IL1R1: variants seen among roughly 807,000 people sequenced by gnomAD.
The protein encoded by IL1R1 is interleukin-1 receptor type 1.
IL1R1 carries 22 observed loss-of-function variants against 50.2 expected under a neutral mutation model. The observed-to-expected ratio is 0.44, with a 90% CI of 0.31 to 0.63. The LOEUF is 0.63. Among genes scored for constraint, IL1R1 ranks in the 20% least tolerant of loss-of-function variants. The pLI is 0.07. For synonymous variants in IL1R1, 251 were observed against 236.7 expected (o/e 1.06, Z -0.55); for missense variants, 509 against 676.2 (o/e 0.75, Z 2.74).
intron 1 of IL1R1, among the ~76,000 whole-genome samples, chr2:102,109,389 A>G (rs1159039883): frequency 6.7e-6 from 1 of 149,286 alleles, no homozygotes; most frequent in Non-Finnish European, 1.5e-5. Flanking sequence ...CTAGGTCCAG[A>G]CAAGCTGAGA....
chr2:102,099,505 T>C (rs9308852), intron 1 of IL1R1, among the ~76,000 whole-genome samples: 129,370 of 152,198 alleles, frequency 0.85, 55,273 homozygotes, highest in East Asian at 0.96. Flanking sequence ...CCTAGCATGG[T>C]CTGGTGGCTA....
At chr2:102,097,392 C>A (rs964693623) in intron 1 of IL1R1, among the ~76,000 whole-genome samples, 1 of 152,112 alleles carries the variant, frequency 6.6e-6, no homozygotes, top group Non-Finnish European at 1.5e-5. Context: ...AAGTGTGGAC[C>A]TCTTTCTGTT....
At chr2:102,095,929 G>GGAGGCGGAGCTTGCAGT (rs1372902637) in intron 1 of IL1R1, among the ~76,000 whole-genome samples, 5 of 152,144 alleles carry the variant, frequency 3.3e-5, no homozygotes, top group African/African-American at 9.7e-5. Context: ...CTTGAACCCG[G>GGAGGCGGAGCTTGCAGT]GAGGCGGAGC....
At chr2:102,173,250 A>G (rs1302838756) in intron 9 of IL1R1, among the ~76,000 whole-genome samples, 2 of 152,234 alleles carry the variant, frequency 1.3e-5, no homozygotes, top group East Asian at 3.9e-4. Flanking sequence ...GATGATGCAT[A>G]GGGTAAGACT....
upstream of IL1R1, among the ~76,000 whole-genome samples, chr2:102,141,598 C>T (rs1338564879): frequency 6.6e-6 from 1 of 152,166 alleles, no homozygotes; most frequent in Non-Finnish European, 1.5e-5. Context: ...TCTTTTCCTC[C>T]AGCCTGGATT....
upstream of IL1R1, among the ~76,000 whole-genome samples, chr2:102,139,217 G>T (rs1348116567): frequency 6.6e-6 from 1 of 152,178 alleles, no homozygotes; most frequent in African/African-American, 2.4e-5. Context: ...TAGGTCCAAG[G>T]GCTCTTTGGT....
chr2:102,110,553 T>C (rs1461231185), intron 1 of IL1R1, among the ~76,000 whole-genome samples: 1 of 150,618 alleles, frequency 6.6e-6, no homozygotes, highest in African/African-American at 2.4e-5. Context: ...TTCGGCAGTC[T>C]CAAAGGAGAA....
At chr2:102,125,748 G>A (rs1161388083) in intron 1 of IL1R1, among the ~76,000 whole-genome samples, 1 of 152,214 alleles carries the variant, frequency 6.6e-6, no homozygotes, top group East Asian at 1.9e-4. Context: ...AGTTGTCTGT[G>A]CTTCTAAAGG....
At chr2:102,142,645 C>T (rs1435881782), upstream of IL1R1, 1 of 151,796 alleles carries the variant, frequency 6.6e-6, no homozygotes, top group African/African-American at 2.4e-5. Context: ...GTTGGGACAC[C>T]CGGCCAGCTC....
chr2:102,119,560 A>G (rs13012334), intron 1 of IL1R1, among the ~76,000 whole-genome samples: 25,354 of 152,174 alleles, frequency 0.17, 2,554 homozygotes, highest in African/African-American at 0.27. Context: ...ACAGGGACAT[A>G]GTTTGAAGAG....
At chr2:102,143,264 G>A (rs1273832051) in intron 1 of IL1R1, among the ~76,000 whole-genome samples, 1 of 152,192 alleles carries the variant, frequency 6.6e-6, no homozygotes, top group African/African-American at 2.4e-5. Flanking sequence ...CTGGAGGGGG[G>A]TTCTAGGTAG....
At chr2:102,121,240 T>G (rs980790430) in intron 1 of IL1R1, among the ~76,000 whole-genome samples, 1 of 152,176 alleles carries the variant, frequency 6.6e-6, no homozygotes, top group African/African-American at 2.4e-5. Context: ...TGCCTGCAGA[T>G]GTCCGCCCCC....
intron 1 of IL1R1, among the ~76,000 whole-genome samples, chr2:102,096,431 T>C (rs1475693201): frequency 1.3e-5 from 2 of 152,230 alleles, no homozygotes; most frequent in East Asian, 1.9e-4. Context: ...AAATGTGAAA[T>C]AGTTTCTCAT....
chr2:102,166,748 A>G (rs1342323344), intron 6 of IL1R1, among the ~76,000 whole-genome samples: 1 of 151,954 alleles, frequency 6.6e-6, no homozygotes, highest in African/African-American at 2.4e-5. Context: ...AACCTCTCTA[A>G]CCCTGTTTCC....
intron 1 of IL1R1, among the ~76,000 whole-genome samples, chr2:102,108,190 T>C (rs1478111600): frequency 1.3e-5 from 2 of 151,872 alleles, no homozygotes; most frequent in Non-Finnish European, 2.9e-5. Context: ...TGTCGTCTTC[T>C]AATTCTAAAC....
At chr2:102,162,125 A>G (rs1269714832) in intron 3 of IL1R1, among the ~76,000 whole-genome samples, 1 of 152,210 alleles carries the variant, frequency 6.6e-6, no homozygotes, top group Non-Finnish European at 1.5e-5. Context: ...AGTTGACAAA[A>G]TCGTGTATAT....
intron 1 of IL1R1, among the ~76,000 whole-genome samples, chr2:102,096,379 C>T (rs191116849): frequency 6.6e-6 from 1 of 152,290 alleles, no homozygotes; most frequent in African/African-American, 2.4e-5. Flanking sequence ...TTGTTGCCAA[C>T]ATCTGGTTTG....
intron 1 of IL1R1, among the ~76,000 whole-genome samples, chr2:102,099,344 G>A (rs1680039172): frequency 6.6e-6 from 1 of 152,182 alleles, no homozygotes; most frequent in African/African-American, 2.4e-5. Context: ...CCATCCAGTG[G>A]CCTTTGTTTG....
At chr2:102,159,267 G>A (rs1684484417) in intron 3 of IL1R1, among the ~76,000 whole-genome samples, 2 of 152,254 alleles carry the variant, frequency 1.3e-5, no homozygotes, top group Non-Finnish European at 2.9e-5. Context: ...ATCATGGAGT[G>A]TAGTTAGGAA....
Sources: allele counts gnomAD v4.1 joint callset (sites outside exome capture counted in the v4.1 genomes callset), GRCh38; gene constraint gnomAD v4.1.1; transcripts MANE v1.5; gene names NCBI Gene and HGNC (gene_info 2026-07-23, HGNC 2026-07-21).